Variants in CCSER1 observed in about 807,000 individuals in gnomAD.
CCSER1 encodes serine-rich coiled-coil domain-containing protein 1.
In CCSER1, 41 loss-of-function variants were observed where a neutral mutation model predicts 82.0. That is an observed-to-expected ratio of 0.50 (90% confidence interval 0.39 to 0.65). CCSER1 has a LOEUF of 0.65. Ranked by LOEUF, CCSER1 falls within the 30% of genes least tolerant of loss-of-function variation. The pLI is 0.00. For synonymous variants in CCSER1, 414 were observed against 383.9 expected, an observed-to-expected ratio of 1.08 and a Z score of -0.92; for missense variants, 1,119 against 1,064.2, an observed-to-expected ratio of 1.05 and a Z score of -0.72.
intron 1 of CCSER1, among the ~76,000 whole-genome samples, chr4:90,145,178 A>G (rs1021930528): frequency 6.6e-6 from 1 of 152,112 alleles, no homozygotes; most frequent in African/African-American, 2.4e-5. Flanking sequence ...AAATATTCTA[A>G]TCTCATAGGC....
At chr4:91,169,233 A>T (rs963262154) in intron 10 of CCSER1, among the ~76,000 whole-genome samples, 3 of 149,166 alleles carry the variant, frequency 2.0e-5, no homozygotes, top group African/African-American at 7.4e-5. Context: ...TTGGTCACTG[A>T]GATGAGTTGT....
chr4:90,506,257 A>G (rs943618341), intron 5 of CCSER1, among the ~76,000 whole-genome samples: 69 of 152,340 alleles, frequency 4.5e-4, no homozygotes, highest in African/African-American at 1.6e-3. Flanking sequence ...CAGAATTTTC[A>G]TCTAGTTAAT....
chr4:90,943,729 A>ATTTTTGTTTTTTTTTT (rs1731872179), intron 9 of CCSER1, among the ~76,000 whole-genome samples: 1 of 68,852 alleles, frequency 1.5e-5, no homozygotes, highest in Non-Finnish European at 2.6e-5. Flanking sequence ...TGCCAGGCTA[A>ATTTTTGTTTTTTTTTT]TTTTTTTTTT....
chr4:90,932,982 G>GAAAGAAAGAAAGAAAGAAAGAA (rs771267852), intron 9 of CCSER1, among the ~76,000 whole-genome samples: 1 of 18,856 alleles, frequency 5.3e-5, no homozygotes, highest in East Asian at 9.2e-4. Flanking sequence ...AAGAAAGAAA[G>GAAAGAAAGAAAGAAAGAAAGAA]AGAAAGAAAG....
At chr4:91,196,829 A>C (rs1333371306) in intron 10 of CCSER1, among the ~76,000 whole-genome samples, 15 of 152,174 alleles carry the variant, frequency 9.9e-5, no homozygotes, top group Admixed American at 1.3e-4. Context: ...AGCATACCTA[A>C]ATATTTCCTG....
At chr4:90,795,860 G>A (rs1473184990) in intron 7 of CCSER1, among the ~76,000 whole-genome samples, 2 of 151,466 alleles carry the variant, frequency 1.3e-5, no homozygotes, top group African/African-American at 4.9e-5. Context: ...TGATTATGGT[G>A]GATAAGCATT....
intron 7 of CCSER1, chr4:90,725,097 TTTA>T (rs938979453): frequency 8.2e-6 from 3 of 365,040 alleles, no homozygotes; most frequent in South Asian, 2.2e-5. Flanking sequence ...AAACATTTTC[TTTA>T]TTATTATACA....
chr4:91,096,585 C>T (rs1724538962), intron 10 of CCSER1, among the ~76,000 whole-genome samples: 1 of 152,186 alleles, frequency 6.6e-6, no homozygotes, highest in Non-Finnish European at 1.5e-5. Flanking sequence ...AGAGACCTGT[C>T]CAGGCTTCCT....
At chr4:90,800,738 G>A (rs1756695058) in intron 7 of CCSER1, among the ~76,000 whole-genome samples, 1 of 66,482 alleles carries the variant, frequency 1.5e-5, no homozygotes, top group Admixed American at 1.4e-4. Context: ...ATGGGTTTTA[G>A]GAGATCAGAA....
At position 90,872,104 on chromosome 4, in the gene CCSER1, A is replaced by T. The variant is rs181909230; in HGVS notation, c.2095-51266A>T. On this transcript the variant is annotated intron_variant, in intron 8 of 10. Coordinates refer to ENST00000509176, the MANE Select transcript of CCSER1 (RefSeq NM_001145065.2). ...GTAGAGAGCAGATAGTTGGGGCTTT[A>T]AAAAAAAATCCATTCAGCTACTTTA... Among the ~76,000 whole-genome samples, 1,464 of 151,032 alleles carry T rather than the reference A, an allele frequency of 9.7e-3. 25 individuals carry two copies. The highest frequency in any genetic ancestry group is 0.034 in the African/African-American group (1,396 of 41,280).
At chr4:90,424,346 GT>G in intron 4 of CCSER1, among the ~76,000 whole-genome samples, 1 of 152,178 alleles carries the variant, frequency 6.6e-6, no homozygotes, top group Non-Finnish European at 1.5e-5. Flanking sequence ...ATAAAGAATT[GT>G]GAACAGCCTC....
chr4:90,739,842 G>A (rs980356189), intron 7 of CCSER1, among the ~76,000 whole-genome samples: 1 of 152,188 alleles, frequency 6.6e-6, no homozygotes, highest in Non-Finnish European at 1.5e-5. Context: ...GCTAGGAATA[G>A]GGGAAGGGTG....
At chr4:90,389,084 T>C (rs892301871) in intron 3 of CCSER1, among the ~76,000 whole-genome samples, 3 of 152,206 alleles carry the variant, frequency 2.0e-5, no homozygotes, top group African/African-American at 7.2e-5. Flanking sequence ...CTACAACGAT[T>C]TTTAACAAGA....
At chr4:90,530,990 G>A (rs1479484759) in intron 5 of CCSER1, among the ~76,000 whole-genome samples, 2 of 152,110 alleles carry the variant, frequency 1.3e-5, no homozygotes, top group Non-Finnish European at 2.9e-5. Flanking sequence ...TAAAATGATT[G>A]TCCTTAAAAA....
At chr4:90,894,985 T>C (rs756964367) in intron 8 of CCSER1, among the ~76,000 whole-genome samples, 1 of 151,982 alleles carries the variant, frequency 6.6e-6, no homozygotes, top group African/African-American at 2.4e-5. Context: ...ATTATGTGTA[T>C]ACACTTTTAA....
intron 5 of CCSER1, among the ~76,000 whole-genome samples, chr4:90,600,015 A>C (rs940831031): frequency 9.2e-5 from 14 of 152,106 alleles, no homozygotes; most frequent in Admixed American, 3.3e-4. Context: ...AATTATTTTG[A>C]TGTTCTTATG....
chr4:91,188,250 A>G (rs1734727955), intron 10 of CCSER1, among the ~76,000 whole-genome samples: 1 of 152,168 alleles, frequency 6.6e-6, no homozygotes, highest in Non-Finnish European at 1.5e-5. Context: ...AGGACTTACC[A>G]ATGTCTATTC....
intron 6 of CCSER1, among the ~76,000 whole-genome samples, chr4:90,673,844 G>T (rs1317706483): frequency 6.6e-6 from 1 of 151,980 alleles, no homozygotes; most frequent in Non-Finnish European, 1.5e-5. Context: ...AAAGGACTTA[G>T]TACCACTTGT....
At chr4:91,091,132 C>A (rs187817542) in intron 10 of CCSER1, among the ~76,000 whole-genome samples, 12 of 152,302 alleles carry the variant, frequency 7.9e-5, no homozygotes, top group African/African-American at 2.4e-4. Flanking sequence ...AAAAGAGCCA[C>A]ATCCTGCTCC....
Sources: gnomAD v4.1 joint callset for allele counts (sites outside exome capture counted in the v4.1 genomes callset) on GRCh38, gnomAD v4.1.1 for gene constraint, MANE v1.5 for transcripts, NCBI Gene and HGNC (gene_info 2026-07-23, HGNC 2026-07-21) for gene names.